Variants in PCNT observed in about 807,000 individuals in gnomAD.
PCNT encodes kendrin.
A neutral mutation model predicts 380.4 loss-of-function variants in PCNT; 319 were observed. The observed-to-expected ratio is 0.84, with a 90% CI of 0.77 to 0.92. The LOEUF (loss-of-function observed/expected upper bound fraction) is 0.92, where lower values mean the gene tolerates loss of function less well. PCNT is among the 40% of genes least tolerant of loss of function. PCNT has a pLI of 0.00. For missense variants in PCNT, 4,400 were observed against 4,255.3 expected, an observed-to-expected ratio of 1.03 and a Z score of -0.95; for synonymous variants, 1,845 against 1,735.2, an observed-to-expected ratio of 1.06 and a Z score of -1.57.
chr21:46,341,880 C>T (rs895627118), intron 3 of PCNT, among the ~76,000 whole-genome samples: 2 of 151,526 alleles, frequency 1.3e-5, no homozygotes, highest in African/African-American at 2.4e-5. Flanking sequence ...AGTCTTGTTA[C>T]ATTCACTAGG....
chr21:46,437,524 T>G (rs1342258461), intron 40 of PCNT, among the ~76,000 whole-genome samples: 1 of 152,240 alleles, frequency 6.6e-6, no homozygotes, highest in Non-Finnish European at 1.5e-5. Context: ...GGCTTTGTGT[T>G]TGCGTTGACG....
chr21:46,353,067 C>A, intron 9 of PCNT, 37 bp from the exon 10 acceptor site: 1 of 1,560,464 alleles, frequency 6.4e-7, no homozygotes, highest in South Asian at 1.1e-5. Context: ...GTGGGTGTCC[C>A]ATTTTAAGAC....
rs776189431 is a variant in PCNT, at chr21:46,398,025, C to T, written c.4458C>T (p.Ala1486=). 6.9e-6 allele frequency: 11 copies of T among 1,586,506 alleles called. No homozygotes were observed. Among genetic ancestry groups the T allele is most frequent in the South Asian group, 2.3e-5 (2 of 87,572 alleles). The change falls in exon 23 of 47, where the codon GCC becomes GCT. Residue 1486 remains alanine (A), a synonymous_variant. Coordinates refer to ENST00000359568, the MANE Select transcript of PCNT (RefSeq NM_006031.6). ...NQRQFMDEQA[A]EREHEREEFQ... is the part of the protein sequence containing the mutation. ...GCCTCTCCTCCCAGGAGCAGGCAGC[C>T]GAGCGGGAGCACGAGCGCGAGGAGT...
intron 19 of PCNT, 71 bp downstream of exon 19, chr21:46,389,502 G>A: frequency 8.1e-7 from 1 of 1,239,648 alleles, no homozygotes; most frequent in Non-Finnish European, 1.2e-6. Flanking sequence ...ACACGAGCCT[G>A]GTGGATGCCG....
intron 15 of PCNT, among the ~76,000 whole-genome samples, chr21:46,370,224 C>CG (rs140988848): frequency 0.072 from 8,457 of 117,600 alleles, 758 homozygotes; most frequent in African/African-American, 0.23. Context: ...GGTGGGCATC[C>CG]GGGGGGGGGT....
At chr21:46,402,603 C>T in intron 27 of PCNT, 120 bp downstream of exon 27, 1 of 1,043,456 alleles carries the variant, frequency 9.6e-7, no homozygotes, top group East Asian at 2.5e-5. Context: ...CCGTGGCCCC[C>T]ATGTGGCAGA....
chr21:46,416,769 C>G lies in PCNT; in HGVS notation c.6851C>G (p.Ala2284Gly). Residue 2284 changes from alanine to glycine, a missense_variant, in exon 30 of 47, where the codon GCA (alanine) becomes GGA (glycine). Coordinates refer to ENST00000359568, the MANE Select transcript of PCNT (RefSeq NM_006031.6). ...CTGCTTTGTTCCCCAGGCGTGTCTG[C>G]AGCAGCGCTGGCACTGCAGTGGGCC... Reference protein sequence around the residue: ...PGLLCSPGVSAAALALQWAES... With the variant: ...PGLLCSPGVSGAALALQWAES... 6.2e-7 allele frequency: 1 copy of G among 1,603,782 alleles called. No individual in the cohort carries two copies. Among genetic ancestry groups the G allele is most frequent in the Non-Finnish European group, 8.5e-7 (1 of 1,177,960 alleles).
chr21:46,357,367 G>A (rs1281079305), intron 13 of PCNT, among the ~76,000 whole-genome samples, 176 bp downstream of exon 13: 1 of 152,254 alleles, frequency 6.6e-6, no homozygotes, highest in Non-Finnish European at 1.5e-5. Flanking sequence ...GGCAATGCCA[G>A]TAGTGGGTGG....
intron 3 of PCNT, among the ~76,000 whole-genome samples, chr21:46,337,223 C>T (rs143583668): frequency 1.4e-4 from 22 of 152,234 alleles, no homozygotes; most frequent in African/African-American, 5.1e-4. Flanking sequence ...ATGATCCACC[C>T]GCCTCAACCC....
intron 28 of PCNT, among the ~76,000 whole-genome samples, 179 bp downstream of exon 28, chr21:46,412,246 C>T (rs556789749): frequency 7.9e-5 from 12 of 152,326 alleles, no homozygotes; most frequent in South Asian, 2.1e-4. Flanking sequence ...CGTGTCAGTA[C>T]GCAGTGAAGC....
chr21:46,404,666 A>G (rs957384997), intron 27 of PCNT, among the ~76,000 whole-genome samples: 1 of 152,198 alleles, frequency 6.6e-6, no homozygotes, highest in Non-Finnish European at 1.5e-5. Context: ...TAATTTTATC[A>G]GTTGGGCACG....
chr21:46,389,923 T>C, intron 19 of PCNT, among the ~76,000 whole-genome samples: 1 of 152,190 alleles, frequency 6.6e-6, no homozygotes, highest in East Asian at 1.9e-4. Flanking sequence ...GGAGATGTGG[T>C]CTGATGTGGC....
Position 46,353,291 on chromosome 21 carries a change from G to A in PCNT, c.1644G>A (p.Ala548=), listed in dbSNP as rs538874919. The A allele has an allele frequency of 9.3e-6, 15 of 1,614,172 alleles. No homozygotes were observed. Among genetic ancestry groups the A allele is most frequent in the East Asian group, 6.7e-5 (3 of 44,890 alleles). ...TGTTACAGCAGAGGCTGCAGGGGGC[G>A]AGGGAAGATGCTCTTCTGGACTCTG... is the stretch of plus-strand genomic sequence containing the variant. ...LTLLQQRLQG[A]REDALLDSVE... The change falls in exon 10 of 47, where the codon GCG becomes GCA. Residue 548 remains alanine, a synonymous_variant. Coordinates refer to ENST00000359568, the MANE Select transcript of PCNT (RefSeq NM_006031.6).
Position 46,398,077 on chromosome 21 carries a change from G to A in PCNT, c.4510G>A (p.Gly1504Arg). 1.3e-6 allele frequency: 2 copies of A among 1,596,698 alleles called. No homozygotes were observed. Among genetic ancestry groups the A allele is most frequent in the South Asian group, 1.1e-5 (1 of 88,978 alleles). ...EFQQEIQRLE[G>R]QLRQAAKPQP... ...CCAGCAGGAGATTCAGAGGCTGGAG[G>A]GGCAGCTCCGCCAGGCGGCCAAGCC... Residue 1504 changes from glycine (G) to arginine (R), a missense_variant, in exon 23 of 47, where the codon GGG becomes AGG. Coordinates refer to ENST00000359568, the MANE Select transcript of PCNT (RefSeq NM_006031.6).
chr21:46,420,392 G>A (rs2087202563), intron 31 of PCNT, among the ~76,000 whole-genome samples: 1 of 152,124 alleles, frequency 6.6e-6, no homozygotes, highest in Admixed American at 6.5e-5. Context: ...TTTGTGCTGA[G>A]TGTTCTGTTT....
At chr21:46,348,234 T>A (rs1013595248) in intron 6 of PCNT, 17 of 164,078 alleles carry the variant, frequency 1.0e-4, no homozygotes, top group Non-Finnish European at 2.1e-4. Context: ...TTACTAACGC[T>A]TTGAGGGTGA....
intron 21 of PCNT, among the ~76,000 whole-genome samples, chr21:46,395,800 A>T (rs2086190369): frequency 6.6e-6 from 1 of 151,602 alleles, no homozygotes; most frequent in African/African-American, 2.4e-5. Context: ...GGCAGCAGAG[A>T]CTCCATCTCA....
intron 12 of PCNT, among the ~76,000 whole-genome samples, chr21:46,356,737 G>A (rs1285877135): frequency 6.6e-6 from 1 of 152,270 alleles, no homozygotes; most frequent in East Asian, 1.9e-4. Flanking sequence ...TGTGGGCCCA[G>A]GACATCCCTG....
intron 15 of PCNT, among the ~76,000 whole-genome samples, chr21:46,371,244 T>G (rs1429718648): frequency 7.0e-6 from 1 of 143,344 alleles, no homozygotes; most frequent in Non-Finnish European, 1.5e-5. Flanking sequence ...AAAGACGGAG[T>G]CTCAAAAAAA....
Sources: allele counts gnomAD v4.1 joint callset (sites outside exome capture counted in the v4.1 genomes callset), GRCh38; gene constraint gnomAD v4.1.1; transcripts MANE v1.5; gene names NCBI Gene and HGNC (gene_info 2026-07-23, HGNC 2026-07-21).